ORM1: variants seen among roughly 807,000 people sequenced by gnomAD.
ORM1 encodes orosomucoid 1.
In ORM1, 13 loss-of-function variants were observed where a neutral mutation model predicts 26.9. The ratio of observed to expected loss-of-function variants is 0.48; its 90% CI spans 0.31 to 0.77. ORM1 has a LOEUF of 0.77. Ranked by LOEUF, ORM1 falls within the 30% of genes least tolerant of loss-of-function variation. ORM1 has a pLI of 0.04. For synonymous variants in ORM1, 76 were observed against 102.2 expected, an observed-to-expected ratio of 0.74 and a Z score of 1.55; for missense variants, 189 against 246.8, an observed-to-expected ratio of 0.77 and a Z score of 1.57.
chr9:114,325,623 A>G (rs1829757799), intron 5 of ORM1, among the ~76,000 whole-genome samples: 1 of 152,142 alleles, frequency 6.6e-6, no homozygotes, highest in Admixed American at 6.5e-5. Flanking sequence ...TTACTTTATA[A>G]TGAGCTCCTT....
intron 3 of ORM1, 61 bp downstream of exon 3, chr9:114,324,149 T>C (rs1423044637): frequency 1.0e-5 from 15 of 1,494,734 alleles, no homozygotes; most frequent in Non-Finnish European, 1.4e-5. Context: ...CAGCATAAGG[T>C]GGGGGCTGGA....
intron 5 of ORM1, 125 bp from the exon 6 acceptor site, chr9:114,326,167 G>C (rs1829765813): frequency 7.6e-7 from 1 of 1,321,738 alleles, no homozygotes; most frequent in Non-Finnish European, 1.0e-6. Context: ...GACAGTGCCA[G>C]GGTTGGAGCC....
chr9:114,324,791 G>T lies in ORM1; in HGVS notation c.330G>T (p.Val110=). The T allele has an allele frequency of 6.2e-7, 1 of 1,612,854 alleles. No homozygotes were observed. The highest frequency in any genetic ancestry group is 8.5e-7 in the Non-Finnish European group (1 of 1,178,902). ...CCAGAGGCTCCTTTTCTCTTCCAGTGGGAGGCCAAGAGCATTTCGCTCACT... is the reference window on the plus strand; with the variant it reads ...CCAGAGGCTCCTTTTCTCTTCCAGTTGGAGGCCAAGAGCATTTCGCTCACT... ...QRENGTISRY[V]GGQEHFAHLL... is the part of the protein sequence containing the mutation. Residue 110 remains valine (V), a splice_region_variant and synonymous_variant, in exon 4 of 6, where the codon GTG becomes GTT. Coordinates refer to ENST00000259396, the MANE Select transcript of ORM1 (RefSeq NM_000607.4).
chr9:114,324,753 C>T, intron 3 of ORM1, 37 bp from the exon 4 acceptor site: 1 of 1,520,072 alleles, frequency 6.6e-7, no homozygotes, highest in Admixed American at 1.7e-5. Flanking sequence ...ATTGTGCCAT[C>T]CCATGTTCTC....
rs758847216 is a variant in ORM1 at position 114,324,001 on chromosome 9, C to T, written c.258-17C>T. 2 of 1,613,682 alleles carry T rather than the reference C, an allele frequency of 1.2e-6. No homozygotes were observed. Among genetic ancestry groups the T allele is most frequent in the Admixed American group, 1.7e-5 (1 of 59,986 alleles). Reference sequence around the variant, plus strand: ...AATAATCTTCCTGTTTTCCTTCCGCCTTCTGTTTGGCTTTAGACAGGACCA... The same window carrying T: ...AATAATCTTCCTGTTTTCCTTCCGCTTTCTGTTTGGCTTTAGACAGGACCA... On this transcript the variant is annotated splice_polypyrimidine_tract_variant and intron_variant, in intron 2 of 5. Transcript: ENST00000259396.
chr9:114,324,173 A>T lies in ORM1; in HGVS notation c.328+85A>T. ...GTGGGGGCTGGATGTAGAGCCCTGGAGGCTTTGGGCACAGAGAAATAACCA... is the reference window on the plus strand; with the variant it reads ...GTGGGGGCTGGATGTAGAGCCCTGGTGGCTTTGGGCACAGAGAAATAACCA... On this transcript the variant is annotated intron_variant, in intron 3 of 5. Coordinates refer to ENST00000259396, the MANE Select transcript of ORM1 (RefSeq NM_000607.4). The T allele has an allele frequency of 9.5e-6, 12 of 1,257,466 alleles. No homozygotes were observed. In the South Asian group the frequency reaches 1.4e-4, roughly 15 times the overall value. The allele number at this position is 1,257,466 out of a possible 1,614,324, so 77.9% of individuals were successfully genotyped here.
intron 3 of ORM1, 126 bp downstream of exon 3, chr9:114,324,214 T>C (rs1829732800): frequency 3.3e-6 from 3 of 901,712 alleles, no homozygotes; most frequent in South Asian, 2.9e-5. Flanking sequence ...ATTTTTGAGC[T>C]CTAACGATGT....
chr9:114,325,445 G>A (rs904639613), intron 5 of ORM1, among the ~76,000 whole-genome samples: 2 of 151,658 alleles, frequency 1.3e-5, no homozygotes, highest in African/African-American at 4.8e-5. Flanking sequence ...ACGTAATGCG[G>A]GGAGTTACCA....
chr9:114,323,308 T>C (rs765966949), intron 1 of ORM1, 61 bp downstream of exon 1: 1 of 1,613,494 alleles, frequency 6.2e-7, no homozygotes, highest in African/African-American at 1.3e-5. Context: ...TCTCTGGGCT[T>C]CCCTTTCCCT....
chr9:114,323,645 C>T lies in ORM1; in HGVS notation c.115-18C>T, dbSNP rs866067319. Reference sequence around the variant, plus strand: ...TTCAGCATCAAGCCCCCATCACCAGCTCCCACCTTCTCCCCAGATCACTGG... The same window carrying T: ...TTCAGCATCAAGCCCCCATCACCAGTTCCCACCTTCTCCCCAGATCACTGG... On this transcript the variant is annotated intron_variant, in intron 1 of 5. Transcript: ENST00000259396. 1 of 1,614,018 alleles carries T rather than the reference C, an allele frequency of 6.2e-7. No homozygotes were observed. Among genetic ancestry groups the T allele is most frequent in the Middle Eastern group, 1.7e-4 (1 of 6,058 alleles).
intron 2 of ORM1, 54 bp from the exon 3 acceptor site, chr9:114,323,964 T>G: frequency 6.2e-7 from 1 of 1,605,936 alleles, no homozygotes; most frequent in Non-Finnish European, 8.5e-7. Flanking sequence ...GATGGGCGAT[T>G]GGCCACTTCT....
chr9:114,323,385 T>A lies in ORM1; in HGVS notation c.114+138T>A, dbSNP rs780239202. 5.9e-6 allele frequency: 9 copies of A among 1,516,264 alleles called. No homozygotes were observed. The African/African-American group carries it at 1.1e-4, about 19-fold the overall frequency. 93.9% of individuals were successfully genotyped at this position (1,516,264 alleles called of 1,614,324 possible). On this transcript the variant is annotated intron_variant, in intron 1 of 5. Coordinates refer to ENST00000259396, the MANE Select transcript of ORM1 (RefSeq NM_000607.4). ...CTCTTCTGGGTCCCCAGGGTGAAAT[T>A]CTCACCAGCCCAGGGGACTCTGGAG... is the stretch of plus-strand genomic sequence containing the variant.
In ORM1 at chr9:114,324,121, T is replaced by C. The variant is rs373206255; in HGVS notation, c.328+33T>C. ...CCAGCCCTCAGGCAGGAGGGTTCAC[T>C]GTGGGAACAGGGCAGGCCAGCATAA... On this transcript the variant is annotated intron_variant, in intron 3 of 5. Transcript: ENST00000259396. 335 of 1,599,128 alleles carry C rather than the reference T, an allele frequency of 2.1e-4. 2 individuals are homozygous for C. Among genetic ancestry groups the C allele is most frequent in the Middle Eastern group, 1.2e-3 (7 of 6,030 alleles).
At chr9:114,324,495 C>T (rs778771951) in intron 3 of ORM1, among the ~76,000 whole-genome samples, 2 of 152,186 alleles carry the variant, frequency 1.3e-5, no homozygotes, top group Non-Finnish European at 2.9e-5. Flanking sequence ...TGGAGCTGAA[C>T]TGACACCATT....
At chr9:114,323,881 G>A in intron 2 of ORM1, 76 bp downstream of exon 2, 2 of 1,607,798 alleles carry the variant, frequency 1.2e-6, no homozygotes, top group Admixed American at 1.7e-5. Context: ...CCTTCTTCCT[G>A]GCCTTGGCCT....
rs746547405 is a variant in ORM1 at position 114,323,738 on chromosome 9, G to A, written c.190G>A (p.Ala64Thr). ...CAATAAGTCGGTTCAGGAGATCCAA[G>A]CAACCTTCTTTTACTTCACCCCCAA... ...EYNKSVQEIQ[A>T]TFFYFTPNKT... Residue 64 changes from alanine (A) to threonine (T), a missense_variant, in exon 2 of 6, where the codon GCA becomes ACA. By Grantham distance (58) the Ala-to-Thr change is moderately conservative. Transcript: ENST00000259396. The A allele has an allele frequency of 6.2e-7, 1 of 1,613,980 alleles. No individual in the cohort carries two copies. The highest frequency in any genetic ancestry group is 2.2e-5 in the East Asian group (1 of 44,860).
At position 114,323,803 on chromosome 9, in the gene ORM1, C is replaced by A; in HGVS notation, c.255C>A (p.Thr85=). 6.2e-7 allele frequency: 1 copy of A among 1,614,076 alleles called. No homozygotes were observed. Among genetic ancestry groups the A allele is most frequent in the East Asian group, 2.2e-5 (1 of 44,862 alleles). Residue 85 remains threonine (T), a splice_region_variant and synonymous_variant, in exon 2 of 6, where the codon ACC becomes ACA. Transcript: ENST00000259396. ...EDTIFLREYQ[T]RQDQCIYNTT... ...CGATCTTTCTCAGAGAGTACCAGAC[C>A]CGGTGAGAGCCCCCATTCCAATGCA...
chr9:114,324,016 A>G lies in ORM1; in HGVS notation c.258-2A>G. On this transcript the variant is annotated splice_acceptor_variant, in intron 2 of 5. Transcript: ENST00000259396. LOFTEE classifies it high-confidence loss of function. ...TTCCTTCCGCCTTCTGTTTGGCTTT[A>G]GACAGGACCAGTGCATCTATAACAC... The G allele has an allele frequency of 6.2e-7, 1 of 1,613,932 alleles. No individual in the cohort carries two copies.
intron 3 of ORM1, 32 bp downstream of exon 3, chr9:114,324,120 C>G (rs749389339): frequency 6.2e-7 from 1 of 1,600,884 alleles, no homozygotes. Context: ...GGAGGGTTCA[C>G]TGTGGGAACA....
Sources: gnomAD v4.1 joint callset for allele counts (sites outside exome capture counted in the v4.1 genomes callset) on GRCh38, gnomAD v4.1.1 for gene constraint, MANE v1.5 for transcripts, NCBI Gene and HGNC (gene_info 2026-07-23, HGNC 2026-07-21) for gene names.